The following LARP4B variants were observed in gnomAD, a reference collection of about 807,000 sequenced individuals.
LARP4B encodes the protein la-related protein 4B.
A neutral mutation model predicts 89.8 loss-of-function variants in LARP4B; 12 were observed. The ratio of observed to expected loss-of-function variants is 0.13; its 90% confidence interval spans 0.09 to 0.22. LARP4B has a LOEUF of 0.22. Ranked by LOEUF, LARP4B falls within the 10% of genes least tolerant of loss-of-function variation. The pLI, the probability that LARP4B is intolerant of heterozygous loss-of-function variation, is 1.00. For missense variants in LARP4B, 757 were observed against 947.7 expected, an observed-to-expected ratio of 0.80 and a Z score of 2.64; for synonymous variants, 367 against 363.3, an observed-to-expected ratio of 1.01 and a Z score of -0.12.
At chr10:913,588 T>C (rs1836733598) in intron 1 of LARP4B, among the ~76,000 whole-genome samples, 1 of 152,118 alleles carries the variant, frequency 6.6e-6, no homozygotes, top group African/African-American at 2.4e-5. Flanking sequence ...AACAAAGAAA[T>C]AAATTGAGAT....
chr10:947,348 G>A, the LARP4B span, among the ~76,000 whole-genome samples: 2 of 152,058 alleles, frequency 1.3e-5, no homozygotes, highest in African/African-American at 2.4e-5. Flanking sequence ...CAAGACAAAC[G>A]GCAAATATGC....
chr10:817,970 A>G, intron 14 of LARP4B, 81 bp from the exon 15 acceptor site: 1 of 1,362,930 alleles, frequency 7.3e-7, no homozygotes, highest in Admixed American at 2.2e-5. Context: ...TGTCTGGAAA[A>G]TATCTGTAGA....
At chr10:983,598 C>A in the LARP4B span, among the ~76,000 whole-genome samples, 2 of 152,124 alleles carry the variant, frequency 1.3e-5, no homozygotes, top group African/African-American at 4.8e-5. Context: ...TCGGGGAAGC[C>A]TGGGAGCAGC....
chr10:902,824 T>G (rs1836381185), intron 1 of LARP4B, among the ~76,000 whole-genome samples: 1 of 152,054 alleles, frequency 6.6e-6, no homozygotes, highest in African/African-American at 2.4e-5. Flanking sequence ...TTTGTATTTT[T>G]AGTAGAGACA....
chr10:914,555 G>A (rs1274041773), intron 1 of LARP4B, among the ~76,000 whole-genome samples: 1 of 150,810 alleles, frequency 6.6e-6, no homozygotes, highest in Non-Finnish European at 1.5e-5. Flanking sequence ...CCAGCACTTT[G>A]GGAGGCCAAG....
chr10:897,474 A>C (rs1347878707), intron 1 of LARP4B, among the ~76,000 whole-genome samples: 2 of 152,238 alleles, frequency 1.3e-5, no homozygotes, highest in African/African-American at 4.8e-5. Flanking sequence ...ATGGTTTATT[A>C]ATTATGACAC....
chr10:877,668 A>C (rs1048611777), intron 3 of LARP4B, among the ~76,000 whole-genome samples: 1 of 152,210 alleles, frequency 6.6e-6, no homozygotes, highest in African/African-American at 2.4e-5. Flanking sequence ...TGTAGGGCTA[A>C]CAGGAATTTA....
chr10:904,928 A>C (rs1836447972), intron 1 of LARP4B, among the ~76,000 whole-genome samples: 3 of 152,240 alleles, frequency 2.0e-5, no homozygotes, highest in Non-Finnish European at 4.4e-5. Flanking sequence ...TGGGATGGTG[A>C]CATCTTTGCT....
intron 1 of LARP4B, among the ~76,000 whole-genome samples, chr10:918,080 C>T (rs1281441468): frequency 3.3e-5 from 5 of 152,002 alleles, no homozygotes; most frequent in Admixed American, 6.5e-5. Flanking sequence ...ATTGTTTTAC[C>T]TCTAAGAAAA....
At chr10:843,345 ATTAT>A (rs1400389377) in intron 6 of LARP4B, among the ~76,000 whole-genome samples, 1 of 152,238 alleles carries the variant, frequency 6.6e-6, no homozygotes, top group Non-Finnish European at 1.5e-5. Context: ...ATAAGATGTA[ATTAT>A]TTATAGCTGT....
chr10:956,723 G>T, the LARP4B span, among the ~76,000 whole-genome samples: 1 of 152,174 alleles, frequency 6.6e-6, no homozygotes, highest in Non-Finnish European at 1.5e-5. This position sits in a 1 kb window ranked among gnomAD's most constrained non-coding sequence, Gnocchi z 4.3. Flanking sequence ...CTGCTCCCTG[G>T]AGGGTGGGCT....
chr10:813,595 C>A lies in LARP4B; in HGVS notation c.1930-382G>T, dbSNP rs192826971. Among the ~76,000 whole-genome samples, 11 of 152,254 alleles carry A rather than the reference C, an allele frequency of 7.2e-5. No homozygotes were observed. The East Asian group carries it at 1.2e-3, about 16-fold the overall frequency. ...CCAGGTGCCCACGGTGGGCAATGGACCCTCACACGGTACTCAACCCTGAAA... is the reference window on the plus strand; with the variant it reads ...CCAGGTGCCCACGGTGGGCAATGGAACCTCACACGGTACTCAACCCTGAAA... On this transcript the variant is annotated intron_variant, in intron 17 of 17. Transcript: ENST00000316157.
At chr10:908,901 C>G (rs1476866245) in intron 1 of LARP4B, among the ~76,000 whole-genome samples, 1 of 152,174 alleles carries the variant, frequency 6.6e-6, no homozygotes, top group African/African-American at 2.4e-5. Flanking sequence ...GGCCGACCCA[C>G]CTCTCCTCCT....
the LARP4B span, among the ~76,000 whole-genome samples, chr10:968,148 C>T: frequency 1.3e-5 from 2 of 152,158 alleles, no homozygotes; most frequent in African/African-American, 2.4e-5. Flanking sequence ...CTTCTGTCTC[C>T]AAGACCCTAT....
At chr10:921,788 A>G (rs928590830) in intron 1 of LARP4B, among the ~76,000 whole-genome samples, 1 of 152,184 alleles carries the variant, frequency 6.6e-6, no homozygotes, top group Admixed American at 6.5e-5. Context: ...ACTGAGCCCT[A>G]AAGAATAATG....
At chr10:917,243 T>C (rs1836846070) in intron 1 of LARP4B, among the ~76,000 whole-genome samples, 1 of 152,254 alleles carries the variant, frequency 6.6e-6, no homozygotes, top group Non-Finnish European at 1.5e-5. Context: ...GGAAGCTTTT[T>C]TCTTTCAAGC....
downstream of LARP4B, chr10:809,273 A>G (rs1461099140): frequency 6.6e-6 from 1 of 152,272 alleles, no homozygotes; most frequent in Non-Finnish European, 1.5e-5. Context: ...ATACAGGAAC[A>G]TGTATTTTTG....
At chr10:876,746 T>C (rs1243953248) in intron 3 of LARP4B, among the ~76,000 whole-genome samples, 3 of 152,086 alleles carry the variant, frequency 2.0e-5, no homozygotes, top group Admixed American at 6.5e-5. Flanking sequence ...TGGTGGGGGC[T>C]TCTCTGCAGC....
rs951728298 is a variant in LARP4B, at chr10:906,664, A to G, written c.-39-20904T>C. Among the ~76,000 whole-genome samples, 6 of 152,246 alleles carry G rather than the reference A, an allele frequency of 3.9e-5. No individual in the cohort carries two copies. In the East Asian group the frequency reaches 1.2e-3, roughly 29 times the overall value. ...CTCAGTTTCAGCACAAAATTATCTA[A>G]GTGAATGCCCAGTGAACACCTTATG... On this transcript the variant is annotated intron_variant, in intron 1 of 17. Transcript: ENST00000316157.
Sources: allele counts gnomAD v4.1 joint callset (sites outside exome capture counted in the v4.1 genomes callset), GRCh38; gene constraint gnomAD v4.1.1; non-coding constraint Gnocchi (gnomAD v3.1); transcripts MANE v1.5; gene names NCBI Gene and HGNC (gene_info 2026-07-23, HGNC 2026-07-21).